Variants in ZNF678 observed in about 807,000 individuals in gnomAD.
ZNF678 encodes zinc finger protein 678.
ZNF678 carries 5 observed loss-of-function variants against 3.0 expected under a neutral mutation model. The observed-to-expected ratio is 1.69, with a 90% CI of 0.88 to 3.56. The LOEUF (loss-of-function observed/expected upper bound fraction) is 3.56. Ranked by LOEUF, ZNF678 falls within the 30% of genes most tolerant of loss-of-function variation. The pLI is 0.00. For synonymous variants in ZNF678, 218 were observed against 199.6 expected, an observed-to-expected ratio of 1.09 and a Z score of -0.78; for missense variants, 593 against 605.0, an observed-to-expected ratio of 0.98 and a Z score of 0.21.
At chr1:227,627,327 A>C (rs1405790272) in intron 1 of ZNF678, among the ~76,000 whole-genome samples, 1 of 152,034 alleles carries the variant, frequency 6.6e-6, no homozygotes, top group Non-Finnish European at 1.5e-5. Context: ...TGTCCTCATG[A>C]GGTTCCCCAT....
chr1:227,667,136 TG>T (rs1333409560), downstream of ZNF678, among the ~76,000 whole-genome samples: 1 of 151,606 alleles, frequency 6.6e-6, no homozygotes, highest in African/African-American at 2.4e-5. Context: ...CTCGACCTCC[TG>T]GGGTCAAGCG....
In ZNF678 at chr1:227,612,185, CCCTT is replaced by C. The variant is rs1284157102; in HGVS notation, c.-163-34356_-163-34353del. ...CATCTATCATCTGGCATCAGATAAA[CCCTT>C]CCAGCTGCAGAAAAAGGACCACTCA... On this transcript the variant is annotated intron_variant, in intron 1 of 3. Coordinates refer to ENST00000343776, the MANE Select transcript of ZNF678 (RefSeq NM_001367909.1). 4.6e-5 allele frequency among the ~76,000 whole-genome samples: 7 copies of C among 152,286 alleles called. 2 individuals are homozygous for C. Among genetic ancestry groups the C allele is most frequent in the African/African-American group, 1.7e-4 (7 of 41,558 alleles).
intron 1 of ZNF678, among the ~76,000 whole-genome samples, chr1:227,602,346 T>G (rs946849815): frequency 6.6e-6 from 1 of 152,192 alleles, no homozygotes; most frequent in Non-Finnish European, 1.5e-5. Flanking sequence ...TTTTGAGAAT[T>G]TTTAGTTGTA....
At chr1:227,640,166 C>A (rs1180526981) in intron 1 of ZNF678, among the ~76,000 whole-genome samples, 1 of 151,940 alleles carries the variant, frequency 6.6e-6, no homozygotes, top group Admixed American at 6.6e-5. Flanking sequence ...GAGGATAGAT[C>A]GGGGCATAAG....
intron 1 of ZNF678, among the ~76,000 whole-genome samples, chr1:227,566,027 C>T (rs891766100): frequency 1.3e-5 from 2 of 152,156 alleles, no homozygotes; most frequent in African/African-American, 2.4e-5. Context: ...TCCCAAAGTG[C>T]TGGGATTACA....
At chr1:227,648,529 C>T (rs1290140542) in intron 2 of ZNF678, among the ~76,000 whole-genome samples, 1 of 152,146 alleles carries the variant, frequency 6.6e-6, no homozygotes, top group African/African-American at 2.4e-5. Context: ...CACATTCGAT[C>T]TTTTAAATTT....
At chr1:227,594,829 T>A (rs189197237) in intron 1 of ZNF678, among the ~76,000 whole-genome samples, 389 of 152,372 alleles carry the variant, frequency 2.6e-3, no homozygotes, top group Non-Finnish European at 4.2e-3. Context: ...ATACTCTTTT[T>A]ACATAAATTC....
At chr1:227,603,576 C>T (rs960220191) in intron 1 of ZNF678, among the ~76,000 whole-genome samples, 1 of 152,154 alleles carries the variant, frequency 6.6e-6, no homozygotes, top group African/African-American at 2.4e-5. Context: ...TGTAGGGAGT[C>T]ATCTGATTCC....
chr1:227,635,515 T>TTGTGTGTGTGTGTGTGTGTGTGTGTG (rs56135481), intron 1 of ZNF678, among the ~76,000 whole-genome samples: 13 of 128,006 alleles, frequency 1.0e-4, no homozygotes, highest in South Asian at 2.9e-4. Context: ...GGGTGAACAT[T>TTGTGTGTGTGTGTGTGTGTGTGTGTG]TGTGTGTGTG....
chr1:227,639,156 G>A (rs1658754994), intron 1 of ZNF678, among the ~76,000 whole-genome samples: 1 of 152,222 alleles, frequency 6.6e-6, no homozygotes, highest in African/African-American at 2.4e-5. Flanking sequence ...CCTCTGCAGA[G>A]GGGCACAGCC....
At chr1:227,607,867 T>G (rs1167401717) in intron 1 of ZNF678, among the ~76,000 whole-genome samples, 1 of 150,014 alleles carries the variant, frequency 6.7e-6, no homozygotes, top group African/African-American at 2.4e-5. Flanking sequence ...AGAAAATAAA[T>G]TGGCACAGTT....
chr1:227,573,199 C>T (rs1049564379), intron 1 of ZNF678, among the ~76,000 whole-genome samples: 8 of 152,298 alleles, frequency 5.3e-5, no homozygotes, highest in Non-Finnish European at 8.8e-5. Flanking sequence ...GGAGATACAG[C>T]GTGGGGGTGG....
chr1:227,651,855 T>C (rs1382884327), intron 3 of ZNF678, among the ~76,000 whole-genome samples: 5 of 152,140 alleles, frequency 3.3e-5, no homozygotes, highest in African/African-American at 1.2e-4. Context: ...ATTACAAATA[T>C]GAGGTATGGT....
intron 3 of ZNF678, among the ~76,000 whole-genome samples, chr1:227,654,000 G>A (rs1195140374): frequency 6.6e-6 from 1 of 152,004 alleles, no homozygotes; most frequent in Non-Finnish European, 1.5e-5. Context: ...GGAGAAGCCA[G>A]GAGTTTGAAG....
intron 1 of ZNF678, among the ~76,000 whole-genome samples, chr1:227,635,622 G>A (rs1325589863): frequency 6.6e-6 from 1 of 151,340 alleles, no homozygotes; most frequent in Non-Finnish European, 1.5e-5. Flanking sequence ...CTAAAATGGC[G>A]TCAGCACCAA....
At chr1:227,646,522 T>C in intron 1 of ZNF678, 22 bp from the exon 2 acceptor site, 1 of 1,304,738 alleles carries the variant, frequency 7.7e-7, no homozygotes, top group South Asian at 1.2e-5. Flanking sequence ...TGTAAATACG[T>C]GTGTATTTTT....
intron 1 of ZNF678, among the ~76,000 whole-genome samples, chr1:227,604,144 A>G (rs1179640035): frequency 6.6e-6 from 1 of 152,222 alleles, no homozygotes; most frequent in South Asian, 2.1e-4. Context: ...ACAATGTTCC[A>G]GTGAGTCTTT....
chr1:227,659,605 A>G lies in ZNF678; in HGVS notation c.*3777A>G, dbSNP rs1247635980. On this transcript the variant is annotated 3_prime_UTR_variant, in exon 4 of 4. Transcript: ENST00000343776. ...GGTAAATATCAGAGTTTCTATGCTTATGGCTGATAAGTAGACATTTTTAAA... is the reference window on the plus strand; with the variant it reads ...GGTAAATATCAGAGTTTCTATGCTTGTGGCTGATAAGTAGACATTTTTAAA... 1 of 151,952 alleles carries G rather than the reference A, an allele frequency of 6.6e-6. No individual in the cohort carries two copies. The highest frequency in any genetic ancestry group is 1.9e-4 in the East Asian group (1 of 5,186). 9.4% of individuals were successfully genotyped at this position (151,952 alleles called of 1,614,324 possible).
In ZNF678 at chr1:227,626,825, G is replaced by A. The variant is rs144446687; in HGVS notation, c.-163-19719G>A. On this transcript the variant is annotated intron_variant, in intron 1 of 3. Transcript: ENST00000343776. ...GTCTAATGTCTGGGATACTCCCTGG[G>A]TTACTGTAGCCTTGAAAGTGGGGCC... is the stretch of plus-strand genomic sequence containing the variant. Among the ~76,000 whole-genome samples, 844 of 152,022 alleles carry A rather than the reference G, an allele frequency of 5.6e-3. 8 individuals are homozygous for A. The highest frequency in any genetic ancestry group is 0.02 in the African/African-American group (811 of 41,440).
Sources: gnomAD v4.1 joint callset for allele counts (sites outside exome capture counted in the v4.1 genomes callset) on GRCh38, gnomAD v4.1.1 for gene constraint, MANE v1.5 for transcripts, NCBI Gene and HGNC (gene_info 2026-07-23, HGNC 2026-07-21) for gene names.